VPS26B: variants seen among roughly 807,000 people sequenced by gnomAD.
VPS26B encodes the protein vacuolar protein sorting-associated protein 26B.
Under a neutral mutation model 33.3 loss-of-function variants are expected in VPS26B, and 10 were observed. The observed-to-expected ratio is 0.30, with a 90% CI of 0.19 to 0.51. The LOEUF is 0.51. Ranked by LOEUF, VPS26B falls within the 20% of genes least tolerant of loss-of-function variation. The pLI is 0.98. For missense variants in VPS26B, 317 were observed against 452.7 expected, an observed-to-expected ratio of 0.70 and a Z score of 2.72; for synonymous variants, 190 against 176.9, an observed-to-expected ratio of 1.07 and a Z score of -0.59.
intron 1 of VPS26B, among the ~76,000 whole-genome samples, chr11:134,230,309 A>G (rs1158379058): frequency 6.6e-6 from 1 of 152,270 alleles, no homozygotes; most frequent in Non-Finnish European, 1.5e-5. Context: ...TATATTGGTC[A>G]AATCTAAGAA....
intron 1 of VPS26B, among the ~76,000 whole-genome samples, chr11:134,228,730 G>A (rs1175039440): frequency 1.3e-5 from 2 of 152,214 alleles, no homozygotes; most frequent in Admixed American, 6.5e-5. Context: ...ATACACCTGT[G>A]TCAGTCATTG....
At chr11:134,238,303 T>G (rs911624507) in intron 2 of VPS26B, among the ~76,000 whole-genome samples, 11 of 152,180 alleles carry the variant, frequency 7.2e-5, no homozygotes, top group Non-Finnish European at 1.3e-4. Context: ...GAGACATGTT[T>G]AGGCCTTAAG....
intron 1 of VPS26B, chr11:134,225,566 G>A: frequency 1.8e-6 from 1 of 567,112 alleles, no homozygotes; most frequent in Admixed American, 2.9e-5. Context: ...TGGGGACGGC[G>A]AGGGCGGGAG....
At chr11:134,239,656 G>T in intron 2 of VPS26B, 1 of 338,404 alleles carries the variant, frequency 3.0e-6, no homozygotes, top group East Asian at 6.6e-5. Flanking sequence ...GGTAAGGGCC[G>T]TGAAAGGCCC....
intron 1 of VPS26B, among the ~76,000 whole-genome samples, chr11:134,231,658 G>A (rs530797588): frequency 1.3e-5 from 2 of 151,778 alleles, no homozygotes; most frequent in African/African-American, 2.4e-5. Flanking sequence ...TCTGCCTCCC[G>A]GATTCAAGCA....
In VPS26B at chr11:134,224,927, C is replaced by A. The variant is rs1303842786; in HGVS notation, c.-196C>A. ...GCCGCAGCCCGCAGCCGCCAGCCTC[C>A]CCCGGCCGTGCCCCTCCCCCGTGGA... On this transcript the variant is annotated 5_prime_UTR_variant, in exon 1 of 6. Transcript: ENST00000281187. The A allele has an allele frequency of 2.7e-5, 7 of 260,204 alleles. No individual in the cohort carries two copies. The highest frequency in any genetic ancestry group is 4.6e-5 in the African/African-American group (2 of 43,820). The allele number at this position is 260,204 out of a possible 1,614,324, so 16.1% of individuals were successfully genotyped here. A position where few individuals can be genotyped will look rare whatever the true frequency, so the allele number is the denominator to read the frequency against.
At position 134,244,573 on chromosome 11, in the gene VPS26B, C is replaced by T. The variant is rs1938781514; in HGVS notation, c.722-365C>T. ...CACTGAGGATGGAGAAAGATGGCAT[C>T]AGAACTGCTGGGTGAAGTGGTGGCT... On this transcript the variant is annotated intron_variant, in intron 4 of 5. Transcript: ENST00000281187. This position sits in a 1 kb window ranked among gnomAD's most constrained non-coding sequence, Gnocchi z 4.0. 5.6e-6 allele frequency: 1 copy of T among 179,382 alleles called. No homozygotes were observed. Among genetic ancestry groups the T allele is most frequent in the Non-Finnish European group, 1.2e-5 (1 of 86,002 alleles). The allele number at this position is 179,382 out of a possible 1,614,324, so 11.1% of individuals were successfully genotyped here.
In VPS26B at chr11:134,225,071, C is replaced by A. The variant is rs1187797238; in HGVS notation, c.-52C>A. 2.0e-6 allele frequency: 3 copies of A among 1,525,182 alleles called. No homozygotes were observed. The highest frequency in any genetic ancestry group is 2.4e-5 in the South Asian group (2 of 82,602). 94.5% of individuals were successfully genotyped at this position (1,525,182 alleles called of 1,614,324 possible). A position where few individuals can be genotyped will look rare whatever the true frequency, so the allele number is the denominator to read the frequency against. On this transcript the variant is annotated 5_prime_UTR_variant, in exon 1 of 6. Transcript: ENST00000281187. ...CCTTCTTTACCTAGGGCAGCCCGCG[C>A]CCCGGTGCGAGGGAGCGGTCCTTAC...
At chr11:134,225,808 A>G (rs945983928) in intron 1 of VPS26B, among the ~76,000 whole-genome samples, 1 of 152,022 alleles carries the variant, frequency 6.6e-6, no homozygotes, top group South Asian at 2.1e-4. Flanking sequence ...ACCGAGCCCC[A>G]CTTCCCAGAG....
intron 3 of VPS26B, among the ~76,000 whole-genome samples, chr11:134,242,762 CCCTGCG>C (rs1375885061): frequency 1.3e-5 from 2 of 152,216 alleles, no homozygotes; most frequent in Admixed American, 1.3e-4. Flanking sequence ...AGAGACTGGT[CCCTGCG>C]CTTGTGGGAC....
rs1938703211 is a variant in VPS26B at position 134,240,597 on chromosome 11, T to C, written c.545+442T>C. 6.6e-6 allele frequency among the ~76,000 whole-genome samples: 1 copy of C among 152,192 alleles called. No homozygotes were observed. Among genetic ancestry groups the C allele is most frequent in the South Asian group, 2.1e-4 (1 of 4,828 alleles). ...TGGCCATGATTTGCTGCTTCCTCCC[T>C]GAACTAAAATGAATTATAGCAAAGA... On this transcript the variant is annotated intron_variant, in intron 3 of 5. Transcript: ENST00000281187. The surrounding 1 kb of genome is among the most constrained non-coding windows in gnomAD (Gnocchi z 4.4).
At chr11:134,229,508 G>A (rs981778691) in intron 1 of VPS26B, among the ~76,000 whole-genome samples, 1 of 152,108 alleles carries the variant, frequency 6.6e-6, no homozygotes. Context: ...GCCCCACTGC[G>A]TCTCCTTTTT....
In VPS26B at chr11:134,245,385, G is replaced by A; in HGVS notation, c.865-59G>A. 6.2e-7 allele frequency: 1 copy of A among 1,601,696 alleles called. No homozygotes were observed. Among genetic ancestry groups the A allele is most frequent in the Non-Finnish European group, 8.5e-7 (1 of 1,170,476 alleles). On this transcript the variant is annotated intron_variant, in intron 5 of 5. Coordinates refer to ENST00000281187, the MANE Select transcript of VPS26B (RefSeq NM_052875.5). This position sits in a 1 kb window ranked among gnomAD's most constrained non-coding sequence, Gnocchi z 4.7. ...CCACGTCAAAGTTGGGAGCCTCTAG[G>A]AAACCTGTCCCCATGCCTCCCTCTA...
intron 1 of VPS26B, among the ~76,000 whole-genome samples, chr11:134,228,800 G>A (rs1484745024): frequency 5.3e-5 from 8 of 152,188 alleles, no homozygotes; most frequent in South Asian, 4.1e-4. Flanking sequence ...AGCTGCGGTC[G>A]TGTGGTTTTC....
rs1187299893 is a variant in VPS26B, at chr11:134,246,811, G to A, written c.*1221G>A. On this transcript the variant is annotated 3_prime_UTR_variant, in exon 6 of 6. Coordinates refer to ENST00000281187, the MANE Select transcript of VPS26B (RefSeq NM_052875.5). ...GAGAGGAAGGTACTTCTCCCTCTAC[G>A]GCTCTGCGCTGGGGCCTATGGTAGT... 7 of 152,104 alleles carry A rather than the reference G, an allele frequency of 4.6e-5. No homozygotes were observed. Among genetic ancestry groups the A allele is most frequent in the Admixed American group, 1.3e-4 (2 of 15,260 alleles). The allele number at this position is 152,104 out of a possible 1,614,324, so 9.4% of individuals were successfully genotyped here.
rs1430873261 is a variant in VPS26B at position 134,240,519 on chromosome 11, C to T, written c.545+364C>T. ...CAATCTCAGAATACCATTCCATTAT[C>T]ATGTGCTCCCTCCATCTGTGTCTTC... is the stretch of plus-strand genomic sequence containing the variant. On this transcript the variant is annotated intron_variant, in intron 3 of 5. Transcript: ENST00000281187. The surrounding 1 kb of genome is among the most constrained non-coding windows in gnomAD (Gnocchi z 4.4). 6.6e-6 allele frequency among the ~76,000 whole-genome samples: 1 copy of T among 152,224 alleles called. No homozygotes were observed. Among genetic ancestry groups the T allele is most frequent in the African/African-American group, 2.4e-5 (1 of 41,442 alleles).
Position 134,225,099 on chromosome 11 carries a change from A to G in VPS26B, c.-24A>G. ...CGGTGCGAGGGAGCGGTCCTTACCG[A>G]GACCCGCCCGGCCCGGCGGTGCGAT... On this transcript the variant is annotated 5_prime_UTR_variant, in exon 1 of 6. Coordinates refer to ENST00000281187, the MANE Select transcript of VPS26B (RefSeq NM_052875.5). The G allele has an allele frequency of 6.3e-7, 1 of 1,580,160 alleles. No homozygotes were observed. Among genetic ancestry groups the G allele is most frequent in the Non-Finnish European group, 8.6e-7 (1 of 1,161,474 alleles).
At chr11:134,228,594 G>A (rs1347053432) in intron 1 of VPS26B, among the ~76,000 whole-genome samples, 3 of 152,250 alleles carry the variant, frequency 2.0e-5, no homozygotes, top group African/African-American at 7.2e-5. Flanking sequence ...CACATTGACA[G>A]GGAGTGAAGA....
intron 1 of VPS26B, among the ~76,000 whole-genome samples, chr11:134,225,625 T>G (rs1028196013): frequency 1.3e-5 from 2 of 152,224 alleles, no homozygotes; most frequent in Non-Finnish European, 2.9e-5. Context: ...CTATGGGTTC[T>G]CCCCATTGTC....
Sources: gnomAD v4.1 joint callset for allele counts (sites outside exome capture counted in the v4.1 genomes callset) on GRCh38, gnomAD v4.1.1 for gene constraint, Gnocchi (gnomAD v3.1) non-coding constraint, MANE v1.5 for transcripts, NCBI Gene and HGNC (gene_info 2026-07-23, HGNC 2026-07-21) for gene names.